ALK: variants seen among roughly 807,000 people sequenced by gnomAD.
The protein encoded by ALK is ALK tyrosine kinase receptor.
Under a neutral mutation model 163.1 loss-of-function variants are expected in ALK, and 74 were observed. The ratio of observed to expected loss-of-function variants is 0.45; its 90% CI spans 0.38 to 0.55. The LOEUF (loss-of-function observed/expected upper bound fraction) is 0.55. Ranked by LOEUF, ALK falls within the 20% of genes least tolerant of loss-of-function variation. ALK has a pLI of 0.00. For missense variants in ALK, 2,063 were observed against 2,105.3 expected (o/e 0.98, Z 0.39); for synonymous variants, 960 against 843.2 (o/e 1.14, Z -2.40).
At chr2:29,789,412 G>A (rs959332845) in intron 1 of ALK, among the ~76,000 whole-genome samples, 4 of 152,178 alleles carry the variant, frequency 2.6e-5, no homozygotes, top group Admixed American at 6.5e-5. Context: ...CAATTTGACT[G>A]ATTCTGTCCA....
rs1284665643 is a variant in ALK, at chr2:29,246,322, T to C, written c.2204+4783A>G. ...TGGCAGGCCACCCGTGGGCTCTCAC[T>C]GAGTCCCCCAACAGCCCTCTCAGAG... On this transcript the variant is annotated intron_variant, in intron 12 of 28. Transcript: ENST00000389048. This position sits in a 1 kb window ranked among gnomAD's most constrained non-coding sequence, Gnocchi z 4.3. Among the ~76,000 whole-genome samples, 2 of 152,116 alleles carry C rather than the reference T, an allele frequency of 1.3e-5. No homozygotes were observed. Among genetic ancestry groups the C allele is most frequent in the Admixed American group, 1.3e-4 (2 of 15,288 alleles).
chr2:29,564,831 T>G (rs1315125544), intron 3 of ALK, among the ~76,000 whole-genome samples: 2 of 152,152 alleles, frequency 1.3e-5, no homozygotes, highest in Non-Finnish European at 2.9e-5. Flanking sequence ...TGGCCACAAC[T>G]TGGTTCCTGC....
In ALK at chr2:29,726,060, T is replaced by G. The variant is rs1573586670; in HGVS notation, c.668-8363A>C. Among the ~76,000 whole-genome samples, 4 of 152,198 alleles carry G rather than the reference T, an allele frequency of 2.6e-5. No individual in the cohort carries two copies. The South Asian group carries it at 8.3e-4, about 32-fold the overall frequency. ...CTAACTGGCCAAGGTGGACTCACAC[T>G]GGCTTTTGGTAGCTGTGGAAGACTA... On this transcript the variant is annotated intron_variant, in intron 1 of 28. Coordinates refer to ENST00000389048, the MANE Select transcript of ALK (RefSeq NM_004304.5).
At chr2:29,704,066 G>A (rs1353775025) in intron 2 of ALK, among the ~76,000 whole-genome samples, 1 of 152,022 alleles carries the variant, frequency 6.6e-6, no homozygotes, top group Non-Finnish European at 1.5e-5. Context: ...ATAGGAAAAT[G>A]CCAATGTATT....
chr2:29,239,152 G>A (rs1664457338), intron 13 of ALK, among the ~76,000 whole-genome samples: 1 of 152,156 alleles, frequency 6.6e-6, no homozygotes, highest in African/African-American at 2.4e-5. Flanking sequence ...TAACCCCGAA[G>A]GAGCAGAAGG....
At chr2:29,393,754 T>A (rs1669237643) in intron 4 of ALK, among the ~76,000 whole-genome samples, 1 of 152,226 alleles carries the variant, frequency 6.6e-6, no homozygotes, top group Non-Finnish European at 1.5e-5. Flanking sequence ...AAGTGACACA[T>A]CTTTCTGCCC....
intron 1 of ALK, among the ~76,000 whole-genome samples, chr2:29,784,461 T>G (rs4464232): frequency 6.6e-6 from 1 of 152,044 alleles, no homozygotes; most frequent in African/African-American, 2.4e-5. Context: ...TTTGGAAGGC[T>G]GAGGCGGGCA....
At chr2:29,580,416 G>A (rs1042283293) in intron 3 of ALK, among the ~76,000 whole-genome samples, 1 of 152,074 alleles carries the variant, frequency 6.6e-6, no homozygotes, top group Admixed American at 6.5e-5. Flanking sequence ...GAGCCAAACC[G>A]CAAGGCCACC....
At chr2:29,333,112 T>TTTTGTTTC (rs1180799696) in intron 5 of ALK, among the ~76,000 whole-genome samples, 1 of 144,072 alleles carries the variant, frequency 6.9e-6, no homozygotes, top group Non-Finnish European at 1.5e-5. Context: ...AGTTGGGTTT[T>TTTTGTTTC]TTTGTTTTTT....
At chr2:29,222,302 G>A (rs770867064) in intron 22 of ALK, 42 bp downstream of exon 22, 6 of 1,582,846 alleles carry the variant, frequency 3.8e-6, no homozygotes, top group Admixed American at 1.7e-5. Flanking sequence ...TTCTTTGGGG[G>A]CAGAGGGGAG....
At chr2:29,240,616 G>A (rs1435221227) in intron 12 of ALK, among the ~76,000 whole-genome samples, 1 of 152,142 alleles carries the variant, frequency 6.6e-6, no homozygotes, top group Non-Finnish European at 1.5e-5. Flanking sequence ...GGAGAAATAT[G>A]TGTGCAAACA....
At chr2:29,370,965 C>A (rs536785245) in intron 5 of ALK, among the ~76,000 whole-genome samples, 5 of 152,184 alleles carry the variant, frequency 3.3e-5, no homozygotes, top group African/African-American at 7.2e-5. Context: ...GTTTGTTAAT[C>A]GTTTTGTAGA....
At chr2:29,209,974 A>G (rs201011848) in intron 24 of ALK, 96 bp from the exon 25 acceptor site, 1 of 963,080 alleles carries the variant, frequency 1.0e-6, no homozygotes, top group East Asian at 2.4e-5. Context: ...TGAAGTTTAA[A>G]TAGTTCCTTC....
chr2:29,800,161 A>AGAGGAGG (rs1340937884), intron 1 of ALK, among the ~76,000 whole-genome samples: 3 of 152,250 alleles, frequency 2.0e-5, no homozygotes, highest in Non-Finnish European at 4.4e-5. Context: ...AGGACCCCTC[A>AGAGGAGG]GAGGAGGCAA....
At chr2:29,477,590 G>A (rs1290612572) in intron 4 of ALK, among the ~76,000 whole-genome samples, 1 of 152,112 alleles carries the variant, frequency 6.6e-6, no homozygotes, top group East Asian at 1.9e-4. Flanking sequence ...AAAGGGCATG[G>A]ACTAAACAGA....
At chr2:29,848,206 G>C (rs1665896322) in intron 1 of ALK, among the ~76,000 whole-genome samples, 1 of 152,072 alleles carries the variant, frequency 6.6e-6, no homozygotes, top group African/African-American at 2.4e-5. Context: ...AGTACAGTGG[G>C]ACTTCAATTC....
At chr2:29,566,812 A>G (rs1022267284) in intron 3 of ALK, among the ~76,000 whole-genome samples, 1 of 152,232 alleles carries the variant, frequency 6.6e-6, no homozygotes, top group Non-Finnish European at 1.5e-5. Flanking sequence ...GTTGAAGGAA[A>G]GTAATTAATG....
At chr2:29,452,801 G>T (rs575031744) in intron 4 of ALK, among the ~76,000 whole-genome samples, 32 of 152,236 alleles carry the variant, frequency 2.1e-4, no homozygotes, top group African/African-American at 7.2e-4. Context: ...CACTGAGAAG[G>T]ATCCATCACT....
At chr2:29,216,947 CATGTGATGTGTGTGTGGT>C (rs2148162637) in intron 23 of ALK, among the ~76,000 whole-genome samples, 1 of 9,040 alleles carries the variant, frequency 1.1e-4, no homozygotes, top group East Asian at 5.2e-3. Flanking sequence ...GTGTGTGTGG[CATGTGATGTGTGTGTGGT>C]GTGTGCGTGG....
Sources: allele counts gnomAD v4.1 joint callset (sites outside exome capture counted in the v4.1 genomes callset), GRCh38; gene constraint gnomAD v4.1.1; non-coding constraint Gnocchi (gnomAD v3.1); transcripts MANE v1.5; gene names NCBI Gene and HGNC (gene_info 2026-07-23, HGNC 2026-07-21).